Variants in POLD3 observed in about 807,000 individuals in gnomAD.
POLD3 encodes the protein DNA polymerase delta subunit 3.
A neutral mutation model predicts 58.2 loss-of-function variants in POLD3; 19 were observed. The observed-to-expected ratio is 0.33, with a 90% CI of 0.23 to 0.48. POLD3 has a LOEUF of 0.48. Among genes scored for constraint, POLD3 ranks in the 20% least tolerant of loss-of-function variants. The probability of loss-of-function intolerance (pLI) is 0.99; values close to 1 mark genes in which losing one functional copy is unlikely to be tolerated. For missense variants in POLD3, 504 were observed against 545.5 expected (o/e 0.92, Z 0.76); for synonymous variants, 172 against 193.5 (o/e 0.89, Z 0.92).
chr11:74,610,233 A>G (rs2031863064), intron 3 of POLD3, among the ~76,000 whole-genome samples: 2 of 144,364 alleles, frequency 1.4e-5, no homozygotes, highest in Admixed American at 7.0e-5. Flanking sequence ...CTTTTTTGAG[A>G]CGAAGTCTTA....
chr11:74,611,651 G>A, intron 4 of POLD3, 113 bp downstream of exon 4: 1 of 637,146 alleles, frequency 1.6e-6, no homozygotes. Context: ...TAACTGAATA[G>A]CCCAATATTC....
chr11:74,647,598 T>C (rs2135191056), downstream of POLD3, among the ~76,000 whole-genome samples: 1 of 152,304 alleles, frequency 6.6e-6, no homozygotes, highest in East Asian at 1.9e-4. Context: ...CACTTACAAA[T>C]GTGGCTTGAG....
At chr11:74,611,783 G>A (rs1260706147) in intron 4 of POLD3, among the ~76,000 whole-genome samples, 4 of 152,138 alleles carry the variant, frequency 2.6e-5, no homozygotes, top group African/African-American at 4.8e-5. Flanking sequence ...TTCAAAACTC[G>A]TGACACATGC....
At chr11:74,626,576 A>C (rs2032439164) in intron 8 of POLD3, among the ~76,000 whole-genome samples, 1 of 152,142 alleles carries the variant, frequency 6.6e-6, no homozygotes, top group African/African-American at 2.4e-5. Flanking sequence ...GATAAACTCC[A>C]CTTGGTTATG....
At chr11:74,660,211 A>G (rs1310533332) in intron 4 of POLD3, among the ~76,000 whole-genome samples, 1 of 152,158 alleles carries the variant, frequency 6.6e-6, no homozygotes, top group Non-Finnish European at 1.5e-5. Flanking sequence ...TAGCACAGGA[A>G]AGACTGGCCC....
downstream of POLD3, among the ~76,000 whole-genome samples, chr11:74,644,677 A>G (rs1591324221): frequency 6.6e-6 from 1 of 152,196 alleles, no homozygotes; most frequent in East Asian, 1.9e-4. Context: ...CCTTAACTCT[A>G]CAATTCCCCT....
At chr11:74,668,506 A>T (rs1281131125) in intron 4 of POLD3, among the ~76,000 whole-genome samples, 2 of 152,214 alleles carry the variant, frequency 1.3e-5, no homozygotes, top group Non-Finnish European at 2.9e-5. Context: ...GGGGACCCAG[A>T]ATAGACTGGA....
intron 1 of POLD3, 73 bp downstream of exon 1, chr11:74,592,791 G>C: frequency 6.3e-7 from 1 of 1,591,924 alleles, no homozygotes; most frequent in South Asian, 1.1e-5. Context: ...CGGGAGCCTT[G>C]ACCCTCTGTC....
chr11:74,654,084 T>TG (rs1410308275), intron 4 of POLD3, among the ~76,000 whole-genome samples: 3 of 152,092 alleles, frequency 2.0e-5, no homozygotes, highest in African/African-American at 7.2e-5. Flanking sequence ...AAACCATGAG[T>TG]GATCCCCCCA....
In POLD3 at chr11:74,631,717, C is replaced by T. The variant is rs146542513; in HGVS notation, c.1006+2394C>T. On this transcript the variant is annotated intron_variant, in intron 9 of 11. Transcript: ENST00000263681. ...CACGCTGGTCTTGAACTCCTGACCC[C>T]GTGATCCACCCGCCTCGGCCTCTCA... Among the ~76,000 whole-genome samples the T allele has an allele frequency of 8.4e-3, 1,271 of 152,074 alleles. 14 individuals carry two copies. Among genetic ancestry groups the T allele is most frequent in the African/African-American group, 0.029 (1,205 of 41,500 alleles).
chr11:74,610,129 A>G (rs2031856704), intron 3 of POLD3, among the ~76,000 whole-genome samples: 1 of 151,840 alleles, frequency 6.6e-6, no homozygotes, highest in African/African-American at 2.4e-5. Flanking sequence ...GCCTGTTTCC[A>G]TATAGCATTA....
In POLD3 at chr11:74,607,589, A is replaced by T. The variant is rs149920831; in HGVS notation, c.219+2795A>T. Among the ~76,000 whole-genome samples the T allele has an allele frequency of 4.6e-3, 690 of 151,154 alleles. 9 individuals are homozygous for T. Among genetic ancestry groups the T allele is most frequent in the African/African-American group, 0.016 (656 of 41,168 alleles). On this transcript the variant is annotated intron_variant, in intron 3 of 11. Coordinates refer to ENST00000263681, the MANE Select transcript of POLD3 (RefSeq NM_006591.3). ...ACTTATTTTTATTTTTTATTTATTTATTTATTTTTTGAGACAGGGTCTCAC... is the reference window on the plus strand; with the variant it reads ...ACTTATTTTTATTTTTTATTTATTTTTTTATTTTTTGAGACAGGGTCTCAC...
intron 8 of POLD3, among the ~76,000 whole-genome samples, chr11:74,627,964 T>G (rs2032479901): frequency 6.6e-6 from 1 of 152,180 alleles, no homozygotes; most frequent in Non-Finnish European, 1.5e-5. Flanking sequence ...TTTCAAATGT[T>G]TAATAAAATT....
At chr11:74,661,258 A>G (rs1413196113) in intron 4 of POLD3, among the ~76,000 whole-genome samples, 2 of 151,974 alleles carry the variant, frequency 1.3e-5, no homozygotes, top group Non-Finnish European at 2.9e-5. Context: ...ATGCTTGTGG[A>G]TGTTTGTCAG....
At position 74,642,210 on chromosome 11, in the gene POLD3, G is replaced by C. The variant is rs923763303; in HGVS notation, c.*1444G>C. The C allele has an allele frequency of 7.1e-6, 7 of 985,470 alleles. No individual in the cohort carries two copies. The African/African-American group carries it at 8.7e-5, about 12-fold the overall frequency. 61.0% of individuals were successfully genotyped at this position (985,470 alleles called of 1,614,324 possible). A position where few individuals can be genotyped will look rare whatever the true frequency, so the allele number is the denominator to read the frequency against. On this transcript the variant is annotated 3_prime_UTR_variant, in exon 12 of 12. Coordinates refer to ENST00000263681, the MANE Select transcript of POLD3 (RefSeq NM_006591.3). Reference sequence around the variant, plus strand: ...TTCTTTAGCAACCAAGCATGAACTTGATTAAGACCAGAAGTTTGGGAGATG... The same window carrying C: ...TTCTTTAGCAACCAAGCATGAACTTCATTAAGACCAGAAGTTTGGGAGATG...
rs1368739751 is a variant in POLD3 at position 74,629,242 on chromosome 11, G to A, written c.925G>A (p.Asp309Asn). ...GGGGAAGCGAGTAGCATTATCTGAT[G>A]ATGAGACAAAGGAAACTGAAAACAT... The part of the protein sequence containing the change: ...KRGKRVALSD[D>N]ETKETENMRK... Residue 309 changes from aspartate to asparagine, a missense_variant, in exon 9 of 12, where the codon GAT becomes AAT. Asp to Asn is a conservative substitution (Grantham distance 23). Coordinates refer to ENST00000263681, the MANE Select transcript of POLD3 (RefSeq NM_006591.3). The A allele has an allele frequency of 6.2e-7, 1 of 1,605,300 alleles. No homozygotes were observed. The highest frequency in any genetic ancestry group is 1.7e-5 in the Admixed American group (1 of 59,314).
intron 3 of POLD3, among the ~76,000 whole-genome samples, chr11:74,608,705 G>A (rs1242589811): frequency 6.6e-6 from 1 of 152,168 alleles, no homozygotes; most frequent in Non-Finnish European, 1.5e-5. Flanking sequence ...GGTCTATTCA[G>A]ATCTTCTCAT....
intron 3 of POLD3, among the ~76,000 whole-genome samples, chr11:74,608,417 G>A (rs1385563877): frequency 6.6e-6 from 1 of 152,100 alleles, no homozygotes; most frequent in Admixed American, 6.5e-5. Context: ...CACGGCACCT[G>A]GCCTTTCTGT....
intron 8 of POLD3, chr11:74,628,933 G>T (rs966218818): frequency 2.1e-5 from 5 of 242,150 alleles, no homozygotes; most frequent in African/African-American, 1.1e-4. Context: ...GGCCAATCAG[G>T]GAAGTAAGAA....
Sources: allele counts gnomAD v4.1 joint callset (sites outside exome capture counted in the v4.1 genomes callset), GRCh38; gene constraint gnomAD v4.1.1; transcripts MANE v1.5; gene names NCBI Gene and HGNC (gene_info 2026-07-23, HGNC 2026-07-21).